Variants in PCDH11X observed in about 807,000 individuals in gnomAD.
PCDH11X encodes protocadherin 11 X-linked.
A neutral mutation model predicts 53.3 loss-of-function variants in PCDH11X; 18 were observed. That is an observed-to-expected ratio of 0.34 (90% CI 0.23 to 0.50). The LOEUF is 0.50. Among genes scored for constraint, PCDH11X ranks in the 20% least tolerant of loss-of-function variants. The probability of loss-of-function intolerance (pLI) is 0.98; values close to 1 mark genes in which losing one functional copy is unlikely to be tolerated. For synonymous variants in PCDH11X, 279 were observed against 393.3 expected, an observed-to-expected ratio of 0.71 and a Z score of 3.44; for missense variants, 570 against 1,032.4, an observed-to-expected ratio of 0.55 and a Z score of 6.14.
intron 9 of PCDH11X, among the ~76,000 whole-genome samples, chrX:92,441,099 A>G (rs970721724): frequency 9.1e-6 from 1 of 109,293 alleles, no homozygotes; most frequent in African/African-American, 3.3e-5. Context: ...TGAACTTTAG[A>G]GAGATGACTT....
intron 6 of PCDH11X, among the ~76,000 whole-genome samples, chrX:92,037,124 G>A (rs1299932506): frequency 5.4e-5 from 6 of 111,294 alleles, no homozygotes; most frequent in East Asian, 5.7e-4. Context: ...CGTGTGCCAC[G>A]GTGGTTTGCT....
At chrX:91,903,315 A>T (rs1483582990) in intron 6 of PCDH11X, among the ~76,000 whole-genome samples, 1 of 111,166 alleles carries the variant, frequency 9.0e-6, no homozygotes, top group Admixed American at 9.6e-5. Context: ...ATTCTATTTC[A>T]CTTGCAAATC....
In PCDH11X at chrX:91,798,591, A is replaced by G. The variant is rs756218297; in HGVS notation, c.-378-10875A>G. 2.7e-5 allele frequency among the ~76,000 whole-genome samples: 3 copies of G among 110,180 alleles called. No individual in the cohort carries two copies. In the East Asian group the frequency reaches 8.5e-4, roughly 31 times the overall value. ...GCAACAAAGTAAGACTCTGTCTCAA[A>G]AAAAAAAAAAAATCAGTAGAATCAC... is the stretch of plus-strand genomic sequence containing the variant. On this transcript the variant is annotated intron_variant, in intron 1 of 10. Coordinates refer to ENST00000682573, the MANE Select transcript of PCDH11X (RefSeq NM_032968.5).
chrX:92,435,235 A>G (rs1257386266), intron 9 of PCDH11X, among the ~76,000 whole-genome samples: 3 of 110,414 alleles, frequency 2.7e-5, no homozygotes, highest in South Asian at 3.8e-4. Flanking sequence ...CAAAATTAAG[A>G]AAAAAAAAGA....
chrX:92,519,557 A>T (rs2074331834), intron 10 of PCDH11X, among the ~76,000 whole-genome samples: 2 of 109,584 alleles, frequency 1.8e-5, no homozygotes, highest in African/African-American at 6.6e-5. Flanking sequence ...TATCTGTTCT[A>T]ATTAGTTCAA....
chrX:92,113,149 G>A (rs1026559814), intron 6 of PCDH11X: 7 of 860,964 alleles, frequency 8.1e-6, no homozygotes, highest in African/African-American at 2.3e-5. Context: ...ATGACAAGAT[G>A]TCTATCCCTT....
At chrX:92,032,462 T>G (rs767981656) in intron 6 of PCDH11X, among the ~76,000 whole-genome samples, 1 of 110,868 alleles carries the variant, frequency 9.0e-6, no homozygotes, top group Admixed American at 9.7e-5. Flanking sequence ...CCAATTTGGA[T>G]GCCCTTTATT....
Position 92,210,423 on chromosome X carries a change from T to G in PCDH11X, c.3114+8968T>G, listed in dbSNP as rs777570446. On this transcript the variant is annotated intron_variant, in intron 7 of 10. Coordinates refer to ENST00000682573, the MANE Select transcript of PCDH11X (RefSeq NM_032968.5). ...CTGGCTAATTTTTTTGTATTTTTAATAGAGACGGGGTTTCACTGTGTTAGC... is the reference window on the plus strand; with the variant it reads ...CTGGCTAATTTTTTTGTATTTTTAAGAGAGACGGGGTTTCACTGTGTTAGC... Among the ~76,000 whole-genome samples, 226 of 108,047 alleles carry G rather than the reference T, an allele frequency of 2.1e-3. 2 individuals carry two copies. Among genetic ancestry groups the G allele is most frequent in the Non-Finnish European group, 3.7e-3 (191 of 52,283 alleles). The allele number at this position is 108,047 out of a possible 115,157, so 93.8% of individuals were successfully genotyped here. A position where few individuals can be genotyped will look rare whatever the true frequency, so the allele number is the denominator to read the frequency against.
At chrX:92,014,625 G>T (rs759708394) in intron 6 of PCDH11X, among the ~76,000 whole-genome samples, 1 of 110,829 alleles carries the variant, frequency 9.0e-6, no homozygotes, top group African/African-American at 3.3e-5. Flanking sequence ...GCAAAGACTT[G>T]GAACAAAGCC....
At chrX:91,801,137 G>A (rs1475955944) in intron 1 of PCDH11X, among the ~76,000 whole-genome samples, 2 of 91,720 alleles carry the variant, frequency 2.2e-5, no homozygotes, top group Non-Finnish European at 4.3e-5. Flanking sequence ...CCATGATCAT[G>A]CCACTGCACT....
At chrX:92,465,215 G>A (rs1455826648) in intron 9 of PCDH11X, among the ~76,000 whole-genome samples, 1 of 111,623 alleles carries the variant, frequency 9.0e-6, no homozygotes, top group Non-Finnish European at 1.9e-5. Flanking sequence ...AATCTTGACT[G>A]ATCAGATTTT....
chrX:92,506,838 G>A (rs2074072485), intron 10 of PCDH11X, among the ~76,000 whole-genome samples: 1 of 109,918 alleles, frequency 9.1e-6, no homozygotes, highest in South Asian at 3.8e-4. Context: ...AATCCACCTG[G>A]TCCTGGGATT....
chrX:91,905,463 G>A (rs997690449), intron 6 of PCDH11X, among the ~76,000 whole-genome samples: 1 of 110,905 alleles, frequency 9.0e-6, no homozygotes, highest in Non-Finnish European at 1.9e-5. Context: ...AGTTTTAAAA[G>A]ATATTTTTAT....
intron 1 of PCDH11X, among the ~76,000 whole-genome samples, chrX:91,784,729 G>A (rs1160465895): frequency 3.6e-5 from 4 of 111,075 alleles, no homozygotes; most frequent in Admixed American, 2.9e-4. Flanking sequence ...CCTCCTCTAA[G>A]TCAGCTATTC....
chrX:91,901,814 C>T (rs1034488179), intron 6 of PCDH11X, among the ~76,000 whole-genome samples: 7 of 111,307 alleles, frequency 6.3e-5, no homozygotes, highest in African/African-American at 1.6e-4. Flanking sequence ...TACTTAGGCT[C>T]GCCAGGCATA....
intron 6 of PCDH11X, among the ~76,000 whole-genome samples, chrX:91,912,628 T>C (rs1336786852): frequency 9.0e-6 from 1 of 111,162 alleles, no homozygotes; most frequent in Non-Finnish European, 1.9e-5. Context: ...CACTTGGTCA[T>C]GATGATCGAT....
rs771219329 is a variant in PCDH11X, at chrX:92,317,845, T to G, written c.3144+54702T>G. 5.4e-5 allele frequency among the ~76,000 whole-genome samples: 6 copies of G among 111,487 alleles called. No individual in the cohort carries two copies. The South Asian group carries it at 1.5e-3, about 28-fold the overall frequency. On this transcript the variant is annotated intron_variant, in intron 8 of 10. Transcript: ENST00000682573. ...TTTACCAAACTAGAAATGAGAAGAA[T>G]AATAATTACCTTCTCAGATTACTGT...
intron 6 of PCDH11X, among the ~76,000 whole-genome samples, chrX:92,096,507 A>G (rs1221796735): frequency 9.2e-6 from 1 of 108,444 alleles, no homozygotes; most frequent in African/African-American, 3.4e-5. Flanking sequence ...ATATACACAT[A>G]TCATATTGTA....
chrX:92,439,283 T>G (rs190283143), intron 9 of PCDH11X, among the ~76,000 whole-genome samples: 2 of 111,663 alleles, frequency 1.8e-5, no homozygotes, highest in Non-Finnish European at 1.9e-5. Flanking sequence ...ATTAATCTTA[T>G]ATATTATCCT....
Sources: allele counts gnomAD v4.1 joint callset (sites outside exome capture counted in the v4.1 genomes callset), GRCh38; gene constraint gnomAD v4.1.1; transcripts MANE v1.5; gene names NCBI Gene and HGNC (gene_info 2026-07-23, HGNC 2026-07-21).